The following SLC12A2 variants were observed in gnomAD, a reference collection of about 807,000 sequenced individuals.
SLC12A2 encodes solute carrier family 12 member 2, also known as Na-K-2Cl cotransporter 1.
A neutral mutation model predicts 136.3 loss-of-function variants in SLC12A2; 67 were observed. That is an observed-to-expected ratio of 0.49 (90% CI 0.40 to 0.60). The LOEUF (loss-of-function observed/expected upper bound fraction) is 0.60. Ranked by LOEUF, SLC12A2 falls within the 20% of genes least tolerant of loss-of-function variation. The probability of loss-of-function intolerance (pLI) is 0.00; values close to 1 mark genes in which losing one functional copy is unlikely to be tolerated. For synonymous variants in SLC12A2, 619 were observed against 562.9 expected (o/e 1.10, Z -1.41); for missense variants, 1,322 against 1,534.7 (o/e 0.86, Z 2.32).
chr5:128,172,132 A>T (rs1390617753), intron 19 of SLC12A2, among the ~76,000 whole-genome samples: 1 of 152,244 alleles, frequency 6.6e-6, no homozygotes, highest in Non-Finnish European at 1.5e-5. Flanking sequence ...GTACAGAGTC[A>T]TATTGATAGA....
intron 13 of SLC12A2, among the ~76,000 whole-genome samples, chr5:128,150,435 A>G (rs940208232): frequency 5.9e-5 from 9 of 151,768 alleles, no homozygotes; most frequent in African/African-American, 2.2e-4. Context: ...CTGTAAGAAA[A>G]TGGTTTTAAC....
intron 4 of SLC12A2, among the ~76,000 whole-genome samples, chr5:128,124,562 G>C (rs1261997214): frequency 6.6e-6 from 1 of 152,194 alleles, no homozygotes; most frequent in Non-Finnish European, 1.5e-5. Flanking sequence ...CCAAATAAAA[G>C]AGTTGAGTAA....
At position 128,171,911 on chromosome 5, in the gene SLC12A2, G is replaced by A. The variant is rs1445265385; in HGVS notation, c.2803+165G>A. The A allele has an allele frequency of 1.5e-5, 7 of 481,666 alleles. 1 individual carries two copies. The South Asian group carries it at 2.9e-4, about 20-fold the overall frequency. 29.8% of individuals were successfully genotyped at this position (481,666 alleles called of 1,614,324 possible). On this transcript the variant is annotated intron_variant, in intron 19 of 26. Coordinates refer to ENST00000262461, the MANE Select transcript of SLC12A2 (RefSeq NM_001046.3). ...CATCTGTTTGGCTCCACTAAAGTTT[G>A]TGTTTTCTCGTTGTACCAACCTGGA...
chr5:128,135,485 T>A (rs369857269), intron 6 of SLC12A2, among the ~76,000 whole-genome samples: 1 of 151,910 alleles, frequency 6.6e-6, no homozygotes, highest in African/African-American at 2.4e-5. Flanking sequence ...TTTTACTATC[T>A]TTTTTTTCCC....
In SLC12A2 at chr5:128,138,581, A is replaced by G. The variant is rs1257362510; in HGVS notation, c.1409-16A>G. ...TTGCTCTCCATTAATTGTCAAGAAT[A>G]TTTTGTTCTCTGCAGCTGAAATATT... On this transcript the variant is annotated splice_polypyrimidine_tract_variant and intron_variant, in intron 7 of 26. Coordinates refer to ENST00000262461, the MANE Select transcript of SLC12A2 (RefSeq NM_001046.3). The G allele has an allele frequency of 6.2e-7, 1 of 1,601,398 alleles. No individual in the cohort carries two copies.
Position 128,167,744 on chromosome 5 carries a change from T to A in SLC12A2, c.2617-17T>A. 2 of 1,516,490 alleles carry A rather than the reference T, an allele frequency of 1.3e-6. No homozygotes were observed. Among genetic ancestry groups the A allele is most frequent in the Non-Finnish European group, 1.8e-6 (2 of 1,103,154 alleles). The allele number at this position is 1,516,490 out of a possible 1,614,324, so 93.9% of individuals were successfully genotyped here. ...AAAATAATATATCTGTAAAGTTATA[T>A]TGACCCTATATTTTAGGCTGCTGGT... is the stretch of plus-strand genomic sequence containing the variant. On this transcript the variant is annotated splice_polypyrimidine_tract_variant and intron_variant, in intron 17 of 26. Coordinates refer to ENST00000262461, the MANE Select transcript of SLC12A2 (RefSeq NM_001046.3).
chr5:128,116,488 C>G (rs1378131711), intron 4 of SLC12A2, among the ~76,000 whole-genome samples: 1 of 150,948 alleles, frequency 6.6e-6, no homozygotes, highest in Non-Finnish European at 1.5e-5. Context: ...AGGGAAAGTA[C>G]GAGAGTGTGG....
At chr5:128,138,567 T>A in intron 7 of SLC12A2, 30 bp from the exon 8 acceptor site, 1 of 1,593,016 alleles carries the variant, frequency 6.3e-7, no homozygotes, top group Non-Finnish European at 8.5e-7. Flanking sequence ...TGCTCTCCAT[T>A]AATTGTCAAG....
intron 1 of SLC12A2, among the ~76,000 whole-genome samples, chr5:128,108,423 T>TA (rs1191228089): frequency 1.3e-5 from 2 of 151,732 alleles, no homozygotes; most frequent in South Asian, 2.1e-4. Flanking sequence ...ACTGATGAAT[T>TA]AAAAAAAAGT....
At position 128,184,867 on chromosome 5, in the gene SLC12A2, T is replaced by C. The variant is rs774755980; in HGVS notation, c.3503+11T>C. ...TAATATTATTGTCATGTAAGTAATA[T>C]CTTTATAAAGATTTTCTTGCTAATT... On this transcript the variant is annotated intron_variant, in intron 26 of 26. Transcript: ENST00000262461. The C allele has an allele frequency of 2.5e-6, 4 of 1,572,344 alleles. No individual in the cohort carries two copies. Among genetic ancestry groups the C allele is most frequent in the Non-Finnish European group, 3.5e-6 (4 of 1,143,070 alleles).
intron 20 of SLC12A2, among the ~76,000 whole-genome samples, chr5:128,175,299 A>G (rs1763503880): frequency 6.6e-6 from 1 of 152,076 alleles, no homozygotes. Context: ...TAGAAGCAGT[A>G]ATGTTGCTTT....
Position 128,182,938 on chromosome 5 carries a change from A to G in SLC12A2, c.3296A>G (p.Glu1099Gly), listed in dbSNP as rs182151901. ...GATATCAATACCAAACCAAAGAAAG[A>G]AAAGTAAGTTACTCTACAAATTTCT... ...LGDINTKPKKENIIAFEEIIE... is the reference protein window; with the variant it reads ...LGDINTKPKKGNIIAFEEIIE... The change falls in exon 24 of 27, where the codon GAA becomes GGA. Residue 1099 changes from glutamate to glycine, a missense_variant. Coordinates refer to ENST00000262461, the MANE Select transcript of SLC12A2 (RefSeq NM_001046.3). 9 of 1,597,116 alleles carry G rather than the reference A, an allele frequency of 5.6e-6. No homozygotes were observed. In the African/African-American group the frequency reaches 8.0e-5, roughly 14 times the overall value.
At chr5:128,164,993 C>G (rs1046985235) in intron 17 of SLC12A2, among the ~76,000 whole-genome samples, 3 of 151,896 alleles carry the variant, frequency 2.0e-5, no homozygotes, top group African/African-American at 7.3e-5. Flanking sequence ...TAGGCGTGCG[C>G]TACCATGGCT....
chr5:128,110,920 A>G, intron 1 of SLC12A2: 2 of 952,506 alleles, frequency 2.1e-6, no homozygotes, highest in East Asian at 2.4e-5. Flanking sequence ...AGAGGGCATG[A>G]AAAGGGTAGA....
chr5:128,152,912 G>A, intron 15 of SLC12A2, 107 bp downstream of exon 15: 1 of 698,264 alleles, frequency 1.4e-6, no homozygotes, highest in Non-Finnish European at 2.5e-6. Context: ...AATCGGTCTT[G>A]GGCAGTTTAA....
chr5:128,182,267 C>T (rs921535225), intron 23 of SLC12A2, among the ~76,000 whole-genome samples: 1 of 152,114 alleles, frequency 6.6e-6, no homozygotes, highest in Non-Finnish European at 1.5e-5. Flanking sequence ...ATGTGCACTT[C>T]ACCTGTTCTG....
At chr5:128,148,969 T>A in intron 12 of SLC12A2, 92 bp downstream of exon 12, 3 of 1,088,022 alleles carry the variant, frequency 2.8e-6, no homozygotes, top group Non-Finnish European at 3.9e-6. Flanking sequence ...GTTATCTTGG[T>A]ATACTAAGTT....
At chr5:128,132,609 C>T (rs774670660) in intron 5 of SLC12A2, among the ~76,000 whole-genome samples, 7 of 151,992 alleles carry the variant, frequency 4.6e-5, no homozygotes, top group Admixed American at 2.0e-4. Flanking sequence ...TGAGAGGAAC[C>T]TCAAGTGACA....
intron 1 of SLC12A2, among the ~76,000 whole-genome samples, chr5:128,104,902 C>T (rs75327533): frequency 0.011 from 1,625 of 152,012 alleles, 39 homozygotes; most frequent in African/African-American, 0.038. Context: ...TTTATGAGGA[C>T]CATGTTAGAA....
Sources: allele counts gnomAD v4.1 joint callset (sites outside exome capture counted in the v4.1 genomes callset), GRCh38; gene constraint gnomAD v4.1.1; transcripts MANE v1.5; gene names NCBI Gene and HGNC (gene_info 2026-07-23, HGNC 2026-07-21).